Variants in WNT11 observed in about 807,000 individuals in gnomAD.
WNT11 encodes the protein Wnt family member 11, also known as protein Wnt-11.
In WNT11, 20 loss-of-function variants were observed where a neutral mutation model predicts 35.6. The ratio of observed to expected loss-of-function variants is 0.56; its 90% CI spans 0.40 to 0.82. The LOEUF is 0.82. Among genes scored for constraint, WNT11 ranks in the 40% least tolerant of loss-of-function variants. WNT11 has a pLI of 0.00. For synonymous variants in WNT11, 200 were observed against 211.9 expected, an observed-to-expected ratio of 0.94 and a Z score of 0.49; for missense variants, 459 against 504.4, an observed-to-expected ratio of 0.91 and a Z score of 0.86.
At chr11:76,210,434 C>T, upstream of WNT11, 1 of 985,386 alleles carries the variant, frequency 1.0e-6, no homozygotes, top group Non-Finnish European at 1.2e-6. Context: ...GGCGGGTCCC[C>T]GCTGAGCGGC....
chr11:76,189,675 T>G (rs1953152397), intron 4 of WNT11, among the ~76,000 whole-genome samples: 1 of 152,126 alleles, frequency 6.6e-6, no homozygotes, highest in Non-Finnish European at 1.5e-5. Flanking sequence ...CCTTCCTTGA[T>G]GTCCAGGCTG....
upstream of WNT11, among the ~76,000 whole-genome samples, chr11:76,207,875 C>T (rs1218443741): frequency 1.3e-5 from 2 of 152,238 alleles, no homozygotes; most frequent in Non-Finnish European, 2.9e-5. Flanking sequence ...TTCCCAGCTT[C>T]TCCCAAATTT....
intron 1 of WNT11, among the ~76,000 whole-genome samples, chr11:76,205,229 A>G (rs1318979264): frequency 3.9e-5 from 6 of 152,196 alleles, no homozygotes; most frequent in Non-Finnish European, 8.8e-5. Flanking sequence ...CTGGCGGCGC[A>G]GCCACTATCA....
chr11:76,198,573 G>A (rs1275729954), intron 1 of WNT11, among the ~76,000 whole-genome samples: 1 of 152,192 alleles, frequency 6.6e-6, no homozygotes, highest in East Asian at 1.9e-4. Context: ...TTCTGGACAT[G>A]AATGAACTTG....
At chr11:76,204,802 C>T (rs921545866) in intron 1 of WNT11, among the ~76,000 whole-genome samples, 3 of 152,044 alleles carry the variant, frequency 2.0e-5, no homozygotes, top group Non-Finnish European at 4.4e-5. Flanking sequence ...TCTCGGTGTT[C>T]CCACTGTGGA....
At chr11:76,190,784 A>G (rs563694938) in intron 4 of WNT11, 2 of 152,322 alleles carry the variant, frequency 1.3e-5, no homozygotes, top group African/African-American at 4.8e-5. Context: ...ATCGCCAGAG[A>G]ATTTCCCAAA....
In WNT11 at chr11:76,187,211, C is replaced by T. The variant is rs770136447; in HGVS notation, c.919G>A (p.Asp307Asn). 29 of 1,605,782 alleles carry T rather than the reference C, an allele frequency of 1.8e-5. No homozygotes were observed. The highest frequency in any genetic ancestry group is 2.7e-5 in the African/African-American group (2 of 75,028). ...RQCNKTSNGS[D>N]SCDLMCCGRG... ...CCGCAGCACATAAGGTCGCAGCTGT[C>T]GCTTCCGTTGGATGTCTTGTTGCAC... Residue 307 changes from aspartate (D) to asparagine (N), a missense_variant, in exon 5 of 5, where the codon GAC (aspartate) becomes AAC (asparagine). Transcript: ENST00000322563.
upstream of WNT11, among the ~76,000 whole-genome samples, chr11:76,207,634 C>T (rs1285611510): frequency 2.0e-5 from 3 of 152,100 alleles, no homozygotes; most frequent in African/African-American, 7.2e-5. Flanking sequence ...TCTCCAAGTC[C>T]GTCTTTAGCC....
At position 76,194,743 on chromosome 11, in the gene WNT11, C is replaced by T. The variant is rs1431593610; in HGVS notation, c.421G>A (p.Gly141Ser). 20 of 1,551,396 alleles carry T rather than the reference C, an allele frequency of 1.3e-5. 1 individual carries two copies. The highest frequency in any genetic ancestry group is 1.2e-4 in the South Asian group (10 of 84,106). ...CCGGGTGGCTCACCTGGGACGGGGC[C>T]GCAGGAGCAGCCGGGCAGGTCGCCG... is the stretch of plus-strand genomic sequence containing the variant. Reference protein sequence around the residue: ...TSGDLPGCSCGPVPGEPPGPG... With the variant: ...TSGDLPGCSCSPVPGEPPGPG... Residue 141 changes from glycine to serine, a missense_variant, in exon 3 of 5, where the codon GGC becomes AGC. Gly to Ser is a moderately conservative substitution (Grantham distance 56). Coordinates refer to ENST00000322563, the MANE Select transcript of WNT11 (RefSeq NM_004626.3). The surrounding 1 kb of genome is among the most constrained non-coding windows in gnomAD (Gnocchi z 5.4).
chr11:76,207,976 T>G (rs1953499422), upstream of WNT11, among the ~76,000 whole-genome samples: 1 of 151,790 alleles, frequency 6.6e-6, no homozygotes, highest in South Asian at 2.1e-4. Flanking sequence ...TTTCTAAGGG[T>G]TTGGGGAGTT....
chr11:76,205,340 A>C (rs950472891), intron 1 of WNT11, among the ~76,000 whole-genome samples: 10 of 143,648 alleles, frequency 7.0e-5, no homozygotes, highest in Non-Finnish European at 1.4e-4. Context: ...CCCTGGCCCC[A>C]GATTCCAGAC....
chr11:76,190,413 C>T (rs1414534177), intron 4 of WNT11, among the ~76,000 whole-genome samples: 5 of 152,094 alleles, frequency 3.3e-5, no homozygotes, highest in African/African-American at 7.2e-5. Context: ...TCCATCTTCC[C>T]TCTGCCGACC....
At chr11:76,208,825 C>T (rs923932761), upstream of WNT11, among the ~76,000 whole-genome samples, 2 of 152,214 alleles carry the variant, frequency 1.3e-5, no homozygotes. Flanking sequence ...CAGCGCCTGG[C>T]CCGAGCCTCT....
chr11:76,209,557 C>A (rs539355700), upstream of WNT11, among the ~76,000 whole-genome samples: 14 of 152,322 alleles, frequency 9.2e-5, no homozygotes, highest in African/African-American at 3.1e-4. Context: ...GGACGCCGAG[C>A]GACGGCTTCA....
chr11:76,198,908 C>G (rs1483939259), intron 1 of WNT11, among the ~76,000 whole-genome samples: 1 of 152,172 alleles, frequency 6.6e-6, no homozygotes, highest in Non-Finnish European at 1.5e-5. Context: ...CCAAGGCGGG[C>G]AGATCATCTG....
upstream of WNT11, chr11:76,210,676 A>G: frequency 1.0e-6 from 1 of 984,900 alleles, no homozygotes; most frequent in Non-Finnish European, 1.2e-6. Flanking sequence ...TCAGGCGCGG[A>G]CTCCGGCTGC....
intron 1 of WNT11, among the ~76,000 whole-genome samples, chr11:76,201,485 C>T (rs776545497): frequency 7.9e-5 from 12 of 152,192 alleles, no homozygotes; most frequent in Middle Eastern, 3.4e-3. Flanking sequence ...ACATCTTGCT[C>T]GCTTCACTCC....
chr11:76,209,741 C>A (rs2134618505), upstream of WNT11, among the ~76,000 whole-genome samples: 1 of 152,202 alleles, frequency 6.6e-6, no homozygotes, highest in South Asian at 2.1e-4. Flanking sequence ...TCCTGCTAAC[C>A]CCCTGGAGCC....
chr11:76,203,342 A>G (rs1057249150), intron 1 of WNT11, among the ~76,000 whole-genome samples: 2 of 152,168 alleles, frequency 1.3e-5, no homozygotes, highest in African/African-American at 2.4e-5. Flanking sequence ...GGCCCTCTAG[A>G]GCCTCCTGGC....
Sources: gnomAD v4.1 joint callset for allele counts (sites outside exome capture counted in the v4.1 genomes callset) on GRCh38, gnomAD v4.1.1 for gene constraint, Gnocchi (gnomAD v3.1) non-coding constraint, MANE v1.5 for transcripts, NCBI Gene and HGNC (gene_info 2026-07-23, HGNC 2026-07-21) for gene names.